The following GALNTL6 variants were observed in gnomAD, a reference collection of about 807,000 sequenced individuals.
GALNTL6 encodes the protein polypeptide N-acetylgalactosaminyltransferase-like 6.
Under a neutral mutation model 73.7 loss-of-function variants are expected in GALNTL6, and 46 were observed. That is an observed-to-expected ratio of 0.62 (90% CI 0.49 to 0.80). The LOEUF is 0.80. GALNTL6 is among the 30% of genes least tolerant of loss of function. GALNTL6 has a pLI of 0.00. For synonymous variants in GALNTL6, 259 were observed against 263.7 expected, an observed-to-expected ratio of 0.98 and a Z score of 0.17; for missense variants, 604 against 755.0, an observed-to-expected ratio of 0.80 and a Z score of 2.34.
At chr4:172,663,309 G>A (rs908848214) in intron 5 of GALNTL6, among the ~76,000 whole-genome samples, 1 of 152,194 alleles carries the variant, frequency 6.6e-6, no homozygotes, top group African/African-American at 2.4e-5. Flanking sequence ...TAATCTAATG[G>A]GGGTTACTTA....
At chr4:172,889,364 G>T (rs939363181) in intron 8 of GALNTL6, among the ~76,000 whole-genome samples, 7 of 152,108 alleles carry the variant, frequency 4.6e-5, no homozygotes, top group African/African-American at 1.7e-4. Context: ...TCCAGCTTTT[G>T]CCCATTCAGT....
At chr4:171,888,528 A>G (rs1736669647) in intron 2 of GALNTL6, among the ~76,000 whole-genome samples, 2 of 152,014 alleles carry the variant, frequency 1.3e-5, no homozygotes, top group African/African-American at 4.8e-5. Context: ...TGTCAAACAG[A>G]AACTAGGTTG....
At chr4:172,978,754 A>G (rs907073953) in intron 10 of GALNTL6, among the ~76,000 whole-genome samples, 14 of 152,252 alleles carry the variant, frequency 9.2e-5, no homozygotes, top group Admixed American at 3.9e-4. Flanking sequence ...ATTCTGCCAC[A>G]AATAAGGCAC....
intron 5 of GALNTL6, among the ~76,000 whole-genome samples, chr4:172,725,122 T>C (rs572200184): frequency 1.3e-5 from 2 of 152,226 alleles, no homozygotes; most frequent in Admixed American, 6.5e-5. Context: ...CCATATAGCA[T>C]TTTAGGGGTA....
chr4:172,179,684 G>T (rs1008016918), intron 2 of GALNTL6, among the ~76,000 whole-genome samples: 4 of 149,706 alleles, frequency 2.7e-5, no homozygotes, highest in Admixed American at 6.7e-5. Flanking sequence ...GTCAATTTTG[G>T]CTTTTGTTGC....
chr4:172,483,314 T>C (rs1035643380), intron 5 of GALNTL6, among the ~76,000 whole-genome samples: 26 of 152,252 alleles, frequency 1.7e-4, no homozygotes, highest in African/African-American at 6.3e-4. Context: ...AGTAGAATTT[T>C]GTGAGTGCAG....
chr4:171,925,382 T>C (rs952092073), intron 2 of GALNTL6, among the ~76,000 whole-genome samples: 1 of 152,028 alleles, frequency 6.6e-6, no homozygotes, highest in Non-Finnish European at 1.5e-5. Flanking sequence ...CCAAAGATAA[T>C]GGCCTGAATT....
At chr4:172,659,179 G>A (rs1281721854) in intron 5 of GALNTL6, among the ~76,000 whole-genome samples, 2 of 152,014 alleles carry the variant, frequency 1.3e-5, no homozygotes, top group Non-Finnish European at 2.9e-5. Flanking sequence ...AAGCTTTTGG[G>A]GCAGTATGAT....
At chr4:172,248,435 C>T (rs1737734137) in intron 3 of GALNTL6, among the ~76,000 whole-genome samples, 2 of 152,018 alleles carry the variant, frequency 1.3e-5, no homozygotes, top group Non-Finnish European at 2.9e-5. Context: ...TCATTGTGTC[C>T]CTAGGCAAAA....
chr4:172,940,424 G>A (rs538372403), intron 9 of GALNTL6, among the ~76,000 whole-genome samples: 6 of 151,808 alleles, frequency 4.0e-5, no homozygotes, highest in South Asian at 2.1e-4. Flanking sequence ...GTGAAGTGGC[G>A]TGATCTTGGC....
chr4:172,171,099 C>T (rs112267416), intron 2 of GALNTL6, among the ~76,000 whole-genome samples: 10 of 152,236 alleles, frequency 6.6e-5, no homozygotes, highest in South Asian at 4.2e-4. Context: ...TTAAAGGAAA[C>T]GACAACCACA....
intron 8 of GALNTL6, among the ~76,000 whole-genome samples, chr4:172,916,241 G>T (rs547921382): frequency 6.6e-6 from 1 of 152,028 alleles, no homozygotes; most frequent in Non-Finnish European, 1.5e-5. Context: ...TTGATGGGAC[G>T]TATCTCAAAA....
intron 3 of GALNTL6, among the ~76,000 whole-genome samples, chr4:172,258,846 A>C (rs796537093): frequency 9.3e-5 from 14 of 151,234 alleles, no homozygotes; most frequent in African/African-American, 3.4e-4. Context: ...AACATACAAC[A>C]TTTGATTTTC....
intron 7 of GALNTL6, among the ~76,000 whole-genome samples, chr4:172,835,477 C>T (rs919055603): frequency 7.9e-5 from 12 of 152,188 alleles, no homozygotes; most frequent in African/African-American, 2.9e-4. Flanking sequence ...GAGTTCTTGT[C>T]AGTGTTAAAA....
At chr4:171,998,814 G>A (rs554954232) in intron 2 of GALNTL6, among the ~76,000 whole-genome samples, 12 of 152,144 alleles carry the variant, frequency 7.9e-5, no homozygotes, top group African/African-American at 2.9e-4. Flanking sequence ...TACAGATTTC[G>A]CAAAACTGAA....
chr4:172,935,051 G>C (rs894254206), intron 9 of GALNTL6, among the ~76,000 whole-genome samples: 3 of 152,222 alleles, frequency 2.0e-5, no homozygotes, highest in Admixed American at 2.0e-4. Context: ...CATGTCAGAA[G>C]TGGAGAGCAG....
At chr4:172,401,629 C>T (rs140358323) in intron 5 of GALNTL6, among the ~76,000 whole-genome samples, 3,378 of 151,974 alleles carry the variant, frequency 0.022, 63 homozygotes, top group Middle Eastern at 0.044. Context: ...TCATTTTCTT[C>T]CTATAAATTT....
At chr4:172,135,804 T>C (rs553881470) in intron 2 of GALNTL6, among the ~76,000 whole-genome samples, 4 of 152,280 alleles carry the variant, frequency 2.6e-5, no homozygotes, top group Middle Eastern at 3.4e-3. Flanking sequence ...TATTTGTTAA[T>C]GATATGCAAA....
chr4:172,003,457 T>C (rs957312402), intron 2 of GALNTL6, among the ~76,000 whole-genome samples: 4 of 152,160 alleles, frequency 2.6e-5, no homozygotes, highest in African/African-American at 9.6e-5. Flanking sequence ...GAGTTCACTC[T>C]AAGTCATGAT....
Sources: allele counts gnomAD v4.1 joint callset (sites outside exome capture counted in the v4.1 genomes callset), GRCh38; gene constraint gnomAD v4.1.1; transcripts MANE v1.5; gene names NCBI Gene and HGNC (gene_info 2026-07-23, HGNC 2026-07-21).